CELF4: variants seen among roughly 807,000 people sequenced by gnomAD.
The protein encoded by CELF4 is CUG-BP- and ETR-3-like factor 4.
Under a neutral mutation model 59.9 loss-of-function variants are expected in CELF4, and 18 were observed. The ratio of observed to expected loss-of-function variants is 0.30; its 90% CI spans 0.21 to 0.45. CELF4 has a LOEUF of 0.45. Among genes scored for constraint, CELF4 ranks in the 20% least tolerant of loss-of-function variants. The probability of loss-of-function intolerance (pLI) is 1.00; values close to 1 mark genes in which losing one functional copy is unlikely to be tolerated. For synonymous variants in CELF4, 261 were observed against 267.1 expected (o/e 0.98, Z 0.22); for missense variants, 456 against 689.0 (o/e 0.66, Z 3.79).
At chr18:37,268,991 T>C (rs1446306690) in intron 8 of CELF4, among the ~76,000 whole-genome samples, 1 of 152,022 alleles carries the variant, frequency 6.6e-6, no homozygotes, top group Non-Finnish European at 1.5e-5. Context: ...ATGAGGGAAA[T>C]AGCTCACAGA....
chr18:37,500,915 G>C (rs1275781379), intron 1 of CELF4, among the ~76,000 whole-genome samples: 1 of 152,196 alleles, frequency 6.6e-6, no homozygotes, highest in Non-Finnish European at 1.5e-5. Context: ...CGTAGGGTGA[G>C]GTGGATAGAA....
chr18:37,367,257 G>A (rs1297183581), intron 2 of CELF4, among the ~76,000 whole-genome samples: 1 of 152,108 alleles, frequency 6.6e-6, no homozygotes, highest in Non-Finnish European at 1.5e-5. Context: ...CATGGAGCAG[G>A]TGGACAGAAA....
intron 2 of CELF4, among the ~76,000 whole-genome samples, chr18:37,389,762 A>G (rs1013347841): frequency 2.0e-5 from 3 of 152,182 alleles, no homozygotes; most frequent in Middle Eastern, 3.2e-3. Flanking sequence ...TCAGAAATTT[A>G]TAGACACAGC....
intron 1 of CELF4, among the ~76,000 whole-genome samples, chr18:37,538,410 G>A (rs913118629): frequency 3.9e-5 from 6 of 152,050 alleles, no homozygotes; most frequent in Non-Finnish European, 7.3e-5. Context: ...ATCCTCTCCC[G>A]AGCCGTCTTA....
chr18:37,520,211 G>A (rs2099955759), intron 1 of CELF4, among the ~76,000 whole-genome samples: 1 of 152,166 alleles, frequency 6.6e-6, no homozygotes, highest in Non-Finnish European at 1.5e-5. Flanking sequence ...CCCAGCTCTG[G>A]GGAACAGTGT....
At chr18:37,461,931 G>T (rs954372234) in intron 2 of CELF4, among the ~76,000 whole-genome samples, 1 of 152,224 alleles carries the variant, frequency 6.6e-6, no homozygotes, top group South Asian at 2.1e-4. Context: ...TGCTGAGAAG[G>T]ACAAGGCATG....
intron 1 of CELF4, among the ~76,000 whole-genome samples, chr18:37,504,730 C>T (rs1395490680): frequency 1.3e-5 from 2 of 152,148 alleles, no homozygotes; most frequent in Admixed American, 1.3e-4. Context: ...ACTAAGCACA[C>T]ATTTTCTCAC....
chr18:37,425,776 C>A (rs2099608363), intron 2 of CELF4, among the ~76,000 whole-genome samples: 1 of 152,262 alleles, frequency 6.6e-6, no homozygotes, highest in African/African-American at 2.4e-5. Flanking sequence ...TTGGCGAAAG[C>A]CCTTGGGCCA....
intron 1 of CELF4, among the ~76,000 whole-genome samples, chr18:37,543,895 G>C (rs777845322): frequency 6.6e-6 from 1 of 152,188 alleles, no homozygotes; most frequent in African/African-American, 2.4e-5. Context: ...GAAGCTCCAG[G>C]GAGGCTGAAG....
At chr18:37,388,478 ATCC>A (rs2099123326) in intron 2 of CELF4, among the ~76,000 whole-genome samples, 1 of 139,138 alleles carries the variant, frequency 7.2e-6, no homozygotes, top group Admixed American at 7.4e-5. Flanking sequence ...AGTCTCTCCC[ATCC>A]TCCTCCTCTT....
chr18:37,438,522 T>G (rs912976897), intron 2 of CELF4, among the ~76,000 whole-genome samples: 2 of 152,186 alleles, frequency 1.3e-5, no homozygotes, highest in East Asian at 1.9e-4. Flanking sequence ...CTCAATGTCG[T>G]GCACCCTACC....
intron 2 of CELF4, among the ~76,000 whole-genome samples, chr18:37,425,783 G>T (rs1181942905): frequency 6.6e-6 from 1 of 152,262 alleles, no homozygotes; most frequent in African/African-American, 2.4e-5. Context: ...AAGCCCTTGG[G>T]CCATGGTCCT....
intron 3 of CELF4, among the ~76,000 whole-genome samples, chr18:37,283,288 T>G (rs1243478971): frequency 6.6e-6 from 1 of 152,038 alleles, no homozygotes; most frequent in Non-Finnish European, 1.5e-5. Flanking sequence ...GCCCCTGCTG[T>G]CTGCTCTCCA....
chr18:37,357,528 G>A (rs778753251), intron 2 of CELF4, among the ~76,000 whole-genome samples: 46 of 152,248 alleles, frequency 3.0e-4, no homozygotes, highest in Non-Finnish European at 6.2e-4. Context: ...GGGCAGTGCA[G>A]AAGGGAAATG....
At chr18:37,454,792 G>A (rs1157356035) in intron 2 of CELF4, among the ~76,000 whole-genome samples, 1 of 152,044 alleles carries the variant, frequency 6.6e-6, no homozygotes, top group Non-Finnish European at 1.5e-5. Context: ...ATTAACCTTG[G>A]GAATTAAAGA....
chr18:37,377,765 G>C (rs1440718508), intron 2 of CELF4, among the ~76,000 whole-genome samples: 3 of 152,142 alleles, frequency 2.0e-5, no homozygotes, highest in African/African-American at 4.8e-5. Flanking sequence ...AGTGTGCTTG[G>C]TTCCCCTTGG....
At chr18:37,405,545 C>T (rs2099380354) in intron 2 of CELF4, among the ~76,000 whole-genome samples, 1 of 152,262 alleles carries the variant, frequency 6.6e-6, no homozygotes, top group African/African-American at 2.4e-5. Context: ...GTACACCTTA[C>T]CAACAAGGCC....
chr18:37,332,114 A>G (rs949392921), intron 2 of CELF4, among the ~76,000 whole-genome samples: 1 of 152,178 alleles, frequency 6.6e-6, no homozygotes, highest in Admixed American at 6.5e-5. Context: ...GAACCTTGGC[A>G]CCAGGTGCCT....
chr18:37,248,325 T>C (rs555757909), intron 12 of CELF4, among the ~76,000 whole-genome samples: 2 of 152,362 alleles, frequency 1.3e-5, no homozygotes, highest in African/African-American at 4.8e-5. Flanking sequence ...TCACACTCTT[T>C]GCCTTGCTCC....
Sources: allele counts gnomAD v4.1 joint callset (sites outside exome capture counted in the v4.1 genomes callset), GRCh38; gene constraint gnomAD v4.1.1; transcripts MANE v1.5; gene names NCBI Gene and HGNC (gene_info 2026-07-23, HGNC 2026-07-21).